The following ZNF804B variants were observed in gnomAD, a reference collection of about 807,000 sequenced individuals.
The protein encoded by ZNF804B is zinc finger protein 804B.
ZNF804B carries 80 observed loss-of-function variants against 101.4 expected under a neutral mutation model. That is an observed-to-expected ratio of 0.79 (90% CI 0.66 to 0.95). ZNF804B has a LOEUF of 0.95. ZNF804B is among the 40% of genes least tolerant of loss of function. The pLI is 0.00. For missense variants in ZNF804B, 1,673 were observed against 1,561.9 expected, an observed-to-expected ratio of 1.07 and a Z score of -1.20; for synonymous variants, 622 against 558.8, an observed-to-expected ratio of 1.11 and a Z score of -1.59.
chr7:88,895,855 T>C (rs536700832), intron 1 of ZNF804B, among the ~76,000 whole-genome samples: 7 of 152,360 alleles, frequency 4.6e-5, no homozygotes, highest in Admixed American at 1.3e-4. Flanking sequence ...TTTGTACTTA[T>C]ATAAATACAT....
At chr7:88,868,591 T>C (rs2115873390) in intron 1 of ZNF804B, among the ~76,000 whole-genome samples, 1 of 152,336 alleles carries the variant, frequency 6.6e-6, no homozygotes, top group East Asian at 1.9e-4. Context: ...TTTATTTAAC[T>C]CACACTGTGG....
intron 1 of ZNF804B, among the ~76,000 whole-genome samples, chr7:88,967,139 G>C (rs965713064): frequency 1.3e-5 from 2 of 151,510 alleles, no homozygotes; most frequent in Non-Finnish European, 3.0e-5. Context: ...TGAAGGAGAT[G>C]ATGCACATTG....
At chr7:89,296,770 T>C (rs1348295532) in intron 2 of ZNF804B, among the ~76,000 whole-genome samples, 2 of 152,066 alleles carry the variant, frequency 1.3e-5, no homozygotes, top group Non-Finnish European at 2.9e-5. Context: ...CCACCTTTCC[T>C]CTCCCTAAAC....
intron 1 of ZNF804B, among the ~76,000 whole-genome samples, chr7:88,951,475 C>T (rs1793220923): frequency 6.6e-6 from 1 of 151,678 alleles, no homozygotes; most frequent in South Asian, 2.1e-4. Flanking sequence ...CGCACGCGCA[C>T]GCACATATAT....
chr7:89,113,456 A>G (rs1021635724), intron 1 of ZNF804B, among the ~76,000 whole-genome samples: 3 of 152,184 alleles, frequency 2.0e-5, no homozygotes, highest in African/African-American at 7.2e-5. Flanking sequence ...ACAAGTATGA[A>G]TAACTCTTAT....
At chr7:89,171,395 CTCTTCT>C (rs778183139) in intron 1 of ZNF804B, among the ~76,000 whole-genome samples, 49 of 91,996 alleles carry the variant, frequency 5.3e-4, no homozygotes, top group South Asian at 1.9e-3. Flanking sequence ...CCTCTTCTTC[CTCTTCT>C]TCTTCTTCTT....
At chr7:89,192,610 T>C (rs1165577164) in intron 1 of ZNF804B, among the ~76,000 whole-genome samples, 2 of 151,964 alleles carry the variant, frequency 1.3e-5, no homozygotes, top group Non-Finnish European at 2.9e-5. Context: ...CTGAAACTAT[T>C]CCAGAAAATT....
At chr7:89,092,357 A>T (rs761637303) in intron 1 of ZNF804B, among the ~76,000 whole-genome samples, 2 of 147,278 alleles carry the variant, frequency 1.4e-5, no homozygotes, top group Non-Finnish European at 3.0e-5. Context: ...CATCGTGGAC[A>T]CTTACGTTAT....
intron 2 of ZNF804B, among the ~76,000 whole-genome samples, chr7:89,283,996 C>T (rs1790138785): frequency 6.6e-6 from 1 of 152,082 alleles, no homozygotes; most frequent in Non-Finnish European, 1.5e-5. Flanking sequence ...TCTATTTTAT[C>T]ATTTACTGCC....
chr7:88,804,257 G>A (rs1437625895), intron 1 of ZNF804B, among the ~76,000 whole-genome samples: 4 of 152,080 alleles, frequency 2.6e-5, no homozygotes, highest in Non-Finnish European at 5.9e-5. Context: ...AAACTATAGA[G>A]GAGGAAGATA....
At chr7:88,839,257 T>G (rs1252978959) in intron 1 of ZNF804B, among the ~76,000 whole-genome samples, 1 of 151,996 alleles carries the variant, frequency 6.6e-6, no homozygotes, top group East Asian at 1.9e-4. Context: ...TTTGGCACCT[T>G]GAGAAGCTGC....
chr7:89,293,939 T>C (rs1393280456), intron 2 of ZNF804B, among the ~76,000 whole-genome samples: 3 of 152,226 alleles, frequency 2.0e-5, no homozygotes, highest in African/African-American at 7.2e-5. Flanking sequence ...ATTAAAATTG[T>C]TTTCCGGTTT....
At chr7:89,103,964 T>A (rs1790097622) in intron 1 of ZNF804B, among the ~76,000 whole-genome samples, 3 of 152,050 alleles carry the variant, frequency 2.0e-5, no homozygotes. Flanking sequence ...ATTAAATGCT[T>A]TTTCTGCATC....
Position 89,336,400 on chromosome 7 carries a change from T to C in ZNF804B, c.3418T>C (p.Ser1140Pro). Residue 1140 changes from serine to proline, a missense_variant, in exon 4 of 4, where the codon TCT becomes CCT. Physicochemically the swap from Ser to Pro is moderately conservative, Grantham distance 74. Coordinates refer to ENST00000333190, the MANE Select transcript of ZNF804B (RefSeq NM_181646.5). ...ATTAGAAATGTGTCATAAATCTATCTCTCCCCCTTTAATTCAACAGCCCAT... is the reference window on the plus strand; with the variant it reads ...ATTAGAAATGTGTCATAAATCTATCCCTCCCCCTTTAATTCAACAGCCCAT... ...DGLEMCHKSI[S>P]PPLIQQPITF... The C allele has an allele frequency of 6.2e-7, 1 of 1,613,930 alleles. No homozygotes were observed. Among genetic ancestry groups the C allele is most frequent in the South Asian group, 1.1e-5 (1 of 91,074 alleles).
At chr7:89,187,683 C>G (rs941263555) in intron 1 of ZNF804B, among the ~76,000 whole-genome samples, 1 of 152,094 alleles carries the variant, frequency 6.6e-6, no homozygotes, top group South Asian at 2.1e-4. Context: ...AACTAGTGAG[C>G]CTGAATATTC....
intron 1 of ZNF804B, among the ~76,000 whole-genome samples, chr7:89,111,482 C>T (rs1049123981): frequency 2.1e-4 from 32 of 152,190 alleles, no homozygotes; most frequent in Non-Finnish European, 1.9e-4. Flanking sequence ...TGACAGATAA[C>T]GTTGAGTATC....
chr7:89,236,068 T>G (rs1789274215), intron 2 of ZNF804B, among the ~76,000 whole-genome samples: 1 of 152,144 alleles, frequency 6.6e-6, no homozygotes, highest in African/African-American at 2.4e-5. Context: ...TTAGTAGGTG[T>G]AATAATATTT....
chr7:89,246,164 A>G (rs754951720), intron 2 of ZNF804B, among the ~76,000 whole-genome samples: 8 of 152,194 alleles, frequency 5.3e-5, no homozygotes, highest in Non-Finnish European at 4.4e-5. Flanking sequence ...GACCTCCACA[A>G]CTAGAACAAT....
At chr7:89,026,008 A>G (rs1788745515) in intron 1 of ZNF804B, among the ~76,000 whole-genome samples, 1 of 152,094 alleles carries the variant, frequency 6.6e-6, no homozygotes, top group South Asian at 2.1e-4. Context: ...TCACCCTGAA[A>G]CCACAACTTC....
Sources: gnomAD v4.1 joint callset for allele counts (sites outside exome capture counted in the v4.1 genomes callset) on GRCh38, gnomAD v4.1.1 for gene constraint, MANE v1.5 for transcripts, NCBI Gene and HGNC (gene_info 2026-07-23, HGNC 2026-07-21) for gene names.